The following ASIC2 variants were observed in gnomAD, a reference collection of about 807,000 sequenced individuals.
The protein encoded by ASIC2 is acid-sensing ion channel 2.
ASIC2 carries 25 observed loss-of-function variants against 57.3 expected under a neutral mutation model. That is an observed-to-expected ratio of 0.44 (90% confidence interval 0.32 to 0.61). The LOEUF (loss-of-function observed/expected upper bound fraction) is 0.61, where lower values mean the gene tolerates loss of function less well. Ranked by LOEUF, ASIC2 falls within the 20% of genes least tolerant of loss-of-function variation. ASIC2 has a pLI of 0.06. For synonymous variants in ASIC2, 319 were observed against 307.5 expected, an observed-to-expected ratio of 1.04 and a Z score of -0.39; for missense variants, 641 against 738.1, an observed-to-expected ratio of 0.87 and a Z score of 1.52.
At chr17:34,077,625 T>C (rs1248755074) in intron 1 of ASIC2, among the ~76,000 whole-genome samples, 1 of 152,104 alleles carries the variant, frequency 6.6e-6, no homozygotes, top group African/African-American at 2.4e-5. Context: ...TTTTCCTCCC[T>C]CCCTCTTGCA....
At chr17:34,044,104 ACACACACACACACACACACACGCACG>A (rs1448348653) in intron 1 of ASIC2, among the ~76,000 whole-genome samples, 176 of 138,762 alleles carry the variant, frequency 1.3e-3, no homozygotes, top group African/African-American at 4.9e-3. Context: ...CTTGAATCAC[ACACACACACACACACACACACGCACG>A]CACACACACA....
At chr17:33,850,158 A>C (rs1157392408) in intron 1 of ASIC2, among the ~76,000 whole-genome samples, 1 of 152,110 alleles carries the variant, frequency 6.6e-6, no homozygotes, top group Non-Finnish European at 1.5e-5. Context: ...TGGCCCACTG[A>C]GGTTTGGGGA....
intron 1 of ASIC2, among the ~76,000 whole-genome samples, chr17:34,010,441 A>C (rs1283054046): frequency 6.6e-6 from 1 of 152,190 alleles, no homozygotes; most frequent in Non-Finnish European, 1.5e-5. Flanking sequence ...TCTGGAGACC[A>C]AAGTGCAGCT....
intron 1 of ASIC2, among the ~76,000 whole-genome samples, chr17:33,388,791 T>G (rs893991114): frequency 1.3e-5 from 2 of 152,240 alleles, no homozygotes; most frequent in Non-Finnish European, 1.5e-5. Flanking sequence ...ATAGCAAATG[T>G]TCACTTCTTG....
intron 1 of ASIC2, among the ~76,000 whole-genome samples, chr17:33,395,970 T>C (rs1910062928): frequency 6.6e-6 from 1 of 152,218 alleles, no homozygotes; most frequent in Non-Finnish European, 1.5e-5. Flanking sequence ...TCACAGTAGA[T>C]GTTTATAACA....
chr17:33,995,627 C>T (rs939269928), intron 1 of ASIC2, among the ~76,000 whole-genome samples: 1 of 152,000 alleles, frequency 6.6e-6, no homozygotes, highest in Non-Finnish European at 1.5e-5. Context: ...TATATACATA[C>T]ACACGCATAT....
At chr17:33,912,762 C>T (rs1480107096) in intron 1 of ASIC2, among the ~76,000 whole-genome samples, 2 of 151,986 alleles carry the variant, frequency 1.3e-5, no homozygotes, top group Non-Finnish European at 2.9e-5. Context: ...GGCGGATCAC[C>T]TGAGGTTGGG....
In ASIC2 at chr17:33,073,848, G is replaced by A. The variant is rs1598263840; in HGVS notation, c.987+15015C>T. Among the ~76,000 whole-genome samples the A allele has an allele frequency of 2.6e-5, 4 of 152,222 alleles. No individual in the cohort carries two copies. In the South Asian group the frequency reaches 8.3e-4, roughly 32 times the overall value. ...CCCAGCCGCTATGGGCTGTGGGTAA[G>A]GGGAGGTTTTGAGGAAGTGGAACCT... On this transcript the variant is annotated intron_variant, in intron 3 of 9. Transcript: ENST00000225823.
intron 1 of ASIC2, among the ~76,000 whole-genome samples, chr17:34,007,831 C>T (rs1196196202): frequency 6.6e-6 from 1 of 152,194 alleles, no homozygotes; most frequent in East Asian, 1.9e-4. Flanking sequence ...ATTTTAGAAG[C>T]AGAAACGCTT....
At chr17:33,113,502 T>C (rs1450298298) in intron 1 of ASIC2, among the ~76,000 whole-genome samples, 1 of 152,204 alleles carries the variant, frequency 6.6e-6, no homozygotes, top group Admixed American at 6.5e-5. Flanking sequence ...TGGGCCACTT[T>C]CCTGAGCATG....
intron 1 of ASIC2, among the ~76,000 whole-genome samples, chr17:34,046,564 G>T (rs1357310033): frequency 1.3e-5 from 2 of 152,218 alleles, no homozygotes; most frequent in African/African-American, 4.8e-5. Flanking sequence ...AAACATGGAG[G>T]AGGTAAGATT....
At chr17:33,147,481 A>C (rs2142025057) in intron 1 of ASIC2, among the ~76,000 whole-genome samples, 1 of 152,350 alleles carries the variant, frequency 6.6e-6, no homozygotes, top group South Asian at 2.1e-4. Flanking sequence ...CTTTGATAAC[A>C]TTAATATACA....
chr17:34,076,230 C>T (rs1214223725), intron 1 of ASIC2, among the ~76,000 whole-genome samples: 2 of 152,098 alleles, frequency 1.3e-5, no homozygotes, highest in Admixed American at 1.3e-4. Flanking sequence ...GTCTCAAACA[C>T]CTGACCTCAG....
chr17:33,364,332 C>A (rs942775777), intron 1 of ASIC2, among the ~76,000 whole-genome samples: 1 of 152,190 alleles, frequency 6.6e-6, no homozygotes, highest in Admixed American at 6.5e-5. Flanking sequence ...AATGACATAA[C>A]CTTTTTGAAG....
At chr17:33,606,130 T>A (rs1280374187) in intron 1 of ASIC2, among the ~76,000 whole-genome samples, 1 of 152,212 alleles carries the variant, frequency 6.6e-6, no homozygotes, top group Non-Finnish European at 1.5e-5. Flanking sequence ...ACCAATGAGC[T>A]GTTCCAGGCA....
chr17:33,526,619 C>T (rs116419517), intron 1 of ASIC2, among the ~76,000 whole-genome samples: 2,007 of 152,296 alleles, frequency 0.013, 49 homozygotes, highest in African/African-American at 0.047. Context: ...GATTGTTCAT[C>T]ATCAGGGCCA....
At chr17:33,101,542 T>C (rs954082206) in intron 2 of ASIC2, among the ~76,000 whole-genome samples, 1 of 152,186 alleles carries the variant, frequency 6.6e-6, no homozygotes, top group Non-Finnish European at 1.5e-5. Context: ...TTGAGATTTA[T>C]TTCTTGGTTT....
intron 1 of ASIC2, chr17:33,569,068 T>C (rs1386982298): frequency 6.6e-6 from 1 of 152,242 alleles, no homozygotes; most frequent in Non-Finnish European, 1.5e-5. Context: ...AAGGGTTTCA[T>C]GAGAATAAGA....
chr17:33,983,855 T>A (rs1203195001), intron 1 of ASIC2, among the ~76,000 whole-genome samples: 1 of 152,150 alleles, frequency 6.6e-6, no homozygotes, highest in Non-Finnish European at 1.5e-5. Context: ...GGGGTGCTGC[T>A]GAACATTCTA....
Sources: gnomAD v4.1 joint callset for allele counts (sites outside exome capture counted in the v4.1 genomes callset) on GRCh38, gnomAD v4.1.1 for gene constraint, MANE v1.5 for transcripts, NCBI Gene and HGNC (gene_info 2026-07-23, HGNC 2026-07-21) for gene names.